Variants in POLD3 observed in about 807,000 individuals in gnomAD.
POLD3 encodes the protein DNA polymerase delta subunit 3.
POLD3 carries 19 observed loss-of-function variants against 58.2 expected under a neutral mutation model. The ratio of observed to expected loss-of-function variants is 0.33; its 90% CI spans 0.23 to 0.48. The LOEUF is 0.48. Ranked by LOEUF, POLD3 falls within the 20% of genes least tolerant of loss-of-function variation. The pLI, the probability that POLD3 is intolerant of heterozygous loss-of-function variation, is 0.99. For missense variants in POLD3, 504 were observed against 545.5 expected (o/e 0.92, Z 0.76); for synonymous variants, 172 against 193.5 (o/e 0.89, Z 0.92).
intron 11 of POLD3, among the ~76,000 whole-genome samples, chr11:74,637,435 C>CTTTTTTTTTTTTTTTTTTTTTTTCTT (rs5792663): frequency 8.7e-6 from 1 of 115,464 alleles, no homozygotes; most frequent in Non-Finnish European, 1.7e-5. Context: ...CTTTTTCTTC[C>CTTTTTTTTTTTTTTTTTTTTTTTCTT]TTTTTTTTTT....
chr11:74,641,667 A>G lies in POLD3; in HGVS notation c.*901A>G. On this transcript the variant is annotated 3_prime_UTR_variant, in exon 12 of 12. Transcript: ENST00000263681. ...ACTAAAAAGAGAAATCCCTTCCTAT[A>G]TACAGTGTGCTACATTTACAAAAAA... 1 of 985,020 alleles carries G rather than the reference A, an allele frequency of 1.0e-6. No homozygotes were observed. The highest frequency in any genetic ancestry group is 1.2e-6 in the Non-Finnish European group (1 of 829,562). 61.0% of individuals were successfully genotyped at this position (985,020 alleles called of 1,614,324 possible).
chr11:74,600,641 A>G (rs896416571), intron 2 of POLD3, among the ~76,000 whole-genome samples: 3 of 152,054 alleles, frequency 2.0e-5, no homozygotes, highest in African/African-American at 7.2e-5. Flanking sequence ...CTCCAAAAAA[A>G]CAGAAAAGTT....
intron 11 of POLD3, 142 bp downstream of exon 11, chr11:74,636,417 A>G (rs2135178070): frequency 5.3e-6 from 4 of 750,544 alleles, no homozygotes; most frequent in South Asian, 1.8e-5. Context: ...CTGTTTGTCT[A>G]TGGCATACAC....
chr11:74,604,443 TA>T, intron 2 of POLD3: 1 of 366,434 alleles, frequency 2.7e-6, no homozygotes, highest in African/African-American at 2.1e-5. Context: ...CTTGGTCTAT[TA>T]TTAATCTTAT....
chr11:74,638,445 A>C (rs1287909702), intron 11 of POLD3, among the ~76,000 whole-genome samples: 1 of 152,196 alleles, frequency 6.6e-6, no homozygotes, highest in Non-Finnish European at 1.5e-5. Context: ...TAATGTAGAC[A>C]TGCTGCCATT....
chr11:74,637,346 C>T (rs754154279), intron 11 of POLD3, among the ~76,000 whole-genome samples: 28 of 151,052 alleles, frequency 1.9e-4, no homozygotes, highest in Non-Finnish European at 3.5e-4. Context: ...AAATTCTTTA[C>T]GTGTGGAAAT....
At chr11:74,667,370 C>T (rs1411668153) in intron 4 of POLD3, among the ~76,000 whole-genome samples, 1 of 152,018 alleles carries the variant, frequency 6.6e-6, no homozygotes, top group Non-Finnish European at 1.5e-5. Context: ...CCCGTCTCTA[C>T]TAAAAATACA....
intron 9 of POLD3, among the ~76,000 whole-genome samples, chr11:74,630,665 T>C (rs4944053): frequency 0.4 from 60,411 of 152,014 alleles, 13,043 homozygotes; most frequent in African/African-American, 0.56. Context: ...TGTAGACACA[T>C]GGGAAAATAA....
In POLD3 at chr11:74,618,689, C is replaced by T. The variant is rs1173731533; in HGVS notation, c.545C>T (p.Ser182Phe). The change falls in exon 6 of 12, where the codon TCC (serine) becomes TTC (phenylalanine). Residue 182 changes from serine to phenylalanine, a missense_variant. Ser to Phe is a radical substitution (Grantham distance 155). Coordinates refer to ENST00000263681, the MANE Select transcript of POLD3 (RefSeq NM_006591.3). The part of the protein sequence containing the change: ...LTTNGHGPPA[S>F]KQVSQQPKGI... ...ACCAATGGTCATGGCCCACCTGCATCCAAGCAGGTTTCCCAGCAGCCCAAA... is the reference window on the plus strand; with the variant it reads ...ACCAATGGTCATGGCCCACCTGCATTCAAGCAGGTTTCCCAGCAGCCCAAA... The T allele has an allele frequency of 3.1e-6, 5 of 1,614,078 alleles. No individual in the cohort carries two copies. Among genetic ancestry groups the T allele is most frequent in the Non-Finnish European group, 4.2e-6 (5 of 1,179,920 alleles).
At chr11:74,645,431 C>G (rs1441265730), downstream of POLD3, among the ~76,000 whole-genome samples, 1 of 152,198 alleles carries the variant, frequency 6.6e-6, no homozygotes, top group Admixed American at 6.5e-5. Context: ...TGTATAGGCT[C>G]CACTCAGTTT....
chr11:74,617,765 C>T (rs756040735), intron 5 of POLD3, among the ~76,000 whole-genome samples: 12 of 152,134 alleles, frequency 7.9e-5, no homozygotes, highest in Non-Finnish European at 1.3e-4. Flanking sequence ...TGTTCCTAGG[C>T]TGGAGTTGAG....
chr11:74,614,855 A>C (rs988020498), intron 5 of POLD3, among the ~76,000 whole-genome samples: 1 of 152,172 alleles, frequency 6.6e-6, no homozygotes, highest in Non-Finnish European at 1.5e-5. Context: ...GGGGAATATA[A>C]CAGGAGGAGC....
At chr11:74,653,835 T>C (rs554245237) in intron 4 of POLD3, among the ~76,000 whole-genome samples, 2 of 152,248 alleles carry the variant, frequency 1.3e-5, no homozygotes, top group East Asian at 3.9e-4. Flanking sequence ...TAAGACTGGG[T>C]AATTTACAAG....
chr11:74,618,547 A>G lies in POLD3; in HGVS notation c.403A>G (p.Ile135Val), dbSNP rs1227409210. ...NLQNCSKFSA[I>V]QCAAAVPRAP... is the part of the protein sequence containing the mutation. The stretch of plus-strand genomic sequence containing the variant: ...CATTTCTGTCCCCAGATTTAGTGCT[A>G]TACAATGTGCAGCTGCCGTCCCTAG... The change falls in exon 6 of 12, where the codon ATA (isoleucine) becomes GTA (valine). Residue 135 changes from isoleucine to valine, a missense_variant. Transcript: ENST00000263681. 6.2e-7 allele frequency: 1 copy of G among 1,612,764 alleles called. No individual in the cohort carries two copies. The highest frequency in any genetic ancestry group is 1.1e-5 in the South Asian group (1 of 91,016).
chr11:74,599,654 G>A (rs966059443), intron 2 of POLD3, among the ~76,000 whole-genome samples: 3 of 152,016 alleles, frequency 2.0e-5, no homozygotes, highest in African/African-American at 4.8e-5. Flanking sequence ...GAGCCACCGT[G>A]CCTGGCCTCA....
At chr11:74,599,777 G>A (rs2031418691) in intron 2 of POLD3, among the ~76,000 whole-genome samples, 1 of 152,098 alleles carries the variant, frequency 6.6e-6, no homozygotes, top group Non-Finnish European at 1.5e-5. Context: ...TGAAAATGCT[G>A]TGAAATAATT....
At chr11:74,654,555 G>T (rs902589705) in intron 4 of POLD3, among the ~76,000 whole-genome samples, 1 of 152,130 alleles carries the variant, frequency 6.6e-6, no homozygotes, top group African/African-American at 2.4e-5. Context: ...TTGATTAAAG[G>T]CTTACAACAA....
At chr11:74,607,696 C>G (rs2031744899) in intron 3 of POLD3, among the ~76,000 whole-genome samples, 1 of 152,002 alleles carries the variant, frequency 6.6e-6, no homozygotes, top group Non-Finnish European at 1.5e-5. Flanking sequence ...ATCTTCCTGC[C>G]TCAACCCCCC....
At chr11:74,617,206 C>T (rs2032105605) in intron 5 of POLD3, among the ~76,000 whole-genome samples, 1 of 152,154 alleles carries the variant, frequency 6.6e-6, no homozygotes, top group Non-Finnish European at 1.5e-5. Context: ...TGTGAAACGG[C>T]ACTTCTATAA....
Sources: gnomAD v4.1 joint callset for allele counts (sites outside exome capture counted in the v4.1 genomes callset) on GRCh38, gnomAD v4.1.1 for gene constraint, MANE v1.5 for transcripts, NCBI Gene and HGNC (gene_info 2026-07-23, HGNC 2026-07-21) for gene names.